Variants in ANKHD1 observed in about 807,000 individuals in gnomAD.
The protein encoded by ANKHD1 is ankyrin repeat and KH domain containing 1, also known as ankyrin repeat and KH domain-containing protein 1.
Under a neutral mutation model 230.5 loss-of-function variants are expected in ANKHD1, and 31 were observed. That is an observed-to-expected ratio of 0.13 (90% CI 0.10 to 0.18). The LOEUF (loss-of-function observed/expected upper bound fraction) is 0.18, where lower values mean the gene tolerates loss of function less well. ANKHD1 is among the 10% of genes least tolerant of loss of function. ANKHD1 has a pLI of 1.00. For synonymous variants in ANKHD1, 1,074 were observed against 1,117.6 expected (o/e 0.96, Z 0.78); for missense variants, 2,256 against 3,071.3 (o/e 0.73, Z 6.27).
In ANKHD1 at chr5:140,445,797, G is replaced by T; in HGVS notation, c.969G>T (p.Val323=). ...GAGGATTTGTTGACATTGTTAAAGT[G>T]CTCCTTAATGAAGGTGCAAATATAG... ...CAGGFVDIVK[V]LLNEGANIED... is the part of the protein sequence containing the mutation. Residue 323 remains valine, a synonymous_variant, in exon 6 of 34, where the codon GTG becomes GTT. Coordinates refer to ENST00000360839, the MANE Select transcript of ANKHD1 (RefSeq NM_017747.3). 1 of 1,612,884 alleles carries T rather than the reference G, an allele frequency of 6.2e-7. No homozygotes were observed. The highest frequency in any genetic ancestry group is 1.1e-5 in the South Asian group (1 of 90,870).
chr5:140,508,583 C>A (rs571761020), intron 20 of ANKHD1, among the ~76,000 whole-genome samples: 1 of 151,940 alleles, frequency 6.6e-6, no homozygotes, highest in Non-Finnish European at 1.5e-5. Context: ...GTGAAACCCC[C>A]GTCTCTACTA....
At chr5:140,491,160 A>AT (rs1222038703) in intron 14 of ANKHD1, among the ~76,000 whole-genome samples, 475 of 45,696 alleles carry the variant, frequency 0.01, 26 homozygotes, top group Middle Eastern at 0.053. Context: ...ATATATATAT[A>AT]TTTTTTTTTT....
chr5:140,464,541 G>A (rs1775953272), intron 9 of ANKHD1, 126 bp from the exon 10 acceptor site: 2 of 749,158 alleles, frequency 2.7e-6, no homozygotes, highest in South Asian at 3.5e-5. Context: ...AGGAAAACTA[G>A]TATACTTAAA....
At chr5:140,531,595 G>A (rs1432071359) in intron 29 of ANKHD1, among the ~76,000 whole-genome samples, 2 of 151,742 alleles carry the variant, frequency 1.3e-5, no homozygotes, top group Non-Finnish European at 2.9e-5. Context: ...AAAAAAAGTA[G>A]TAATACTTAA....
At chr5:140,486,673 G>A (rs538843823) in intron 13 of ANKHD1, 1 of 204,228 alleles carries the variant, frequency 4.9e-6, no homozygotes, top group African/African-American at 2.3e-5. Context: ...TATGTGACTT[G>A]TACCCCTAGC....
intron 14 of ANKHD1, among the ~76,000 whole-genome samples, chr5:140,493,163 G>A (rs1192581410): frequency 1.3e-5 from 2 of 152,220 alleles, no homozygotes; most frequent in African/African-American, 4.8e-5. Flanking sequence ...CTGGGTTCAA[G>A]CGATTCTCTT....
chr5:140,503,553 C>CTTTTTTTTTTTTTTTTTT lies in ANKHD1; in HGVS notation c.3005-1253_3005-1236dup, dbSNP rs70988767. On this transcript the variant is annotated intron_variant, in intron 15 of 33. Coordinates refer to ENST00000360839, the MANE Select transcript of ANKHD1 (RefSeq NM_017747.3). ...AATTTCTTTTAACTCAGTTTTCTTT[C>CTTTTTTTTTTTTTTTTTT]TTTTTTTTTTTTTTTTTTTTTTTTT... 2.9e-4 allele frequency among the ~76,000 whole-genome samples: 15 copies of CTTTTTTTTTTTTTTTTTT among 51,418 alleles called. 3 individuals carry two copies. Among genetic ancestry groups the CTTTTTTTTTTTTTTTTTT allele is most frequent in the Non-Finnish European group, 4.6e-4 (14 of 30,512 alleles). The allele number at this position is 51,418 out of a possible 152,430, so 33.7% of individuals were successfully genotyped here.
intron 4 of ANKHD1, 43 bp from the exon 5 acceptor site, chr5:140,440,952 A>G: frequency 6.7e-7 from 1 of 1,499,792 alleles, no homozygotes; most frequent in African/African-American, 1.4e-5. Flanking sequence ...ACTATTGAAT[A>G]GTAAGAATTA....
intron 26 of ANKHD1, 73 bp from the exon 27 acceptor site, chr5:140,526,855 A>C: frequency 6.7e-7 from 1 of 1,495,130 alleles, no homozygotes; most frequent in Non-Finnish European, 8.9e-7. Flanking sequence ...AACTCTGGCT[A>C]TAAAGGAATA....
At position 140,509,783 on chromosome 5, in the gene ANKHD1, C is replaced by G. The variant is rs775148047; in HGVS notation, c.3912C>G (p.His1304Gln). ...TALTIAADKG[H>Q]YKFCELLIHR... ...TAACAATAGCAGCAGACAAAGGTCACTACAAATTTTGTGAACTCCTGATTC... is the reference window on the plus strand; with the variant it reads ...TAACAATAGCAGCAGACAAAGGTCAGTACAAATTTTGTGAACTCCTGATTC... The change falls in exon 21 of 34, where the codon CAC becomes CAG. Residue 1304 changes from histidine to glutamine, a missense_variant. By Grantham distance (24) the His-to-Gln change is conservative. This residue lies in a region of ANKHD1 where 195 missense variants were observed against 340.3 expected (regional missense o/e 0.57). Transcript: ENST00000360839. 1 of 1,611,498 alleles carries G rather than the reference C, an allele frequency of 6.2e-7. No individual in the cohort carries two copies. The highest frequency in any genetic ancestry group is 1.7e-4 in the Middle Eastern group (1 of 6,056).
intron 7 of ANKHD1, among the ~76,000 whole-genome samples, chr5:140,450,053 A>G (rs1310745744): frequency 6.6e-6 from 1 of 152,186 alleles, no homozygotes; most frequent in Non-Finnish European, 1.5e-5. Context: ...AAGCACATAT[A>G]TATCATGCGT....
At chr5:140,423,933 T>G in intron 1 of ANKHD1, among the ~76,000 whole-genome samples, 1 of 152,146 alleles carries the variant, frequency 6.6e-6, no homozygotes, top group Middle Eastern at 3.2e-3. Context: ...CCCTCTTCCA[T>G]TAGCTCTCTC....
chr5:140,402,171 G>A lies in ANKHD1; in HGVS notation c.204G>A (p.Thr68=). 6.6e-7 allele frequency: 1 copy of A among 1,526,596 alleles called. No individual in the cohort carries two copies. Among genetic ancestry groups the A allele is most frequent in the Non-Finnish European group, 8.8e-7 (1 of 1,142,148 alleles). The allele number at this position is 1,526,596 out of a possible 1,614,324, so 94.6% of individuals were successfully genotyped here. The change falls in exon 1 of 34, where the codon ACG becomes ACA. Residue 68 remains threonine (T), a synonymous_variant. Coordinates refer to ENST00000360839, the MANE Select transcript of ANKHD1 (RefSeq NM_017747.3). ...GCGGCGGCGGCAGCGGCAGCGGTAC[G>A]GGCGGAGGGGACGCGGCGCTGGATT... ...SSGGGGSGSG[T]GGGDAALDFK... is the part of the protein sequence containing the mutation.
intron 5 of ANKHD1, among the ~76,000 whole-genome samples, chr5:140,444,082 C>A (rs1010066958): frequency 2.1e-5 from 3 of 140,476 alleles, no homozygotes; most frequent in African/African-American, 8.0e-5. Context: ...GATGAAGTCC[C>A]CCCCCCCCTT....
At chr5:140,427,427 C>T (rs1772569771) in intron 1 of ANKHD1, among the ~76,000 whole-genome samples, 1 of 134,862 alleles carries the variant, frequency 7.4e-6, no homozygotes, top group Admixed American at 7.1e-5. Flanking sequence ...GGGGGCTGAC[C>T]CCCCAACCTC....
chr5:140,423,754 G>C (rs370760135), intron 1 of ANKHD1, among the ~76,000 whole-genome samples: 46 of 152,150 alleles, frequency 3.0e-4, no homozygotes, highest in African/African-American at 1.1e-3. Flanking sequence ...CTTTCCCCTT[G>C]CACTCCACTA....
intron 10 of ANKHD1, among the ~76,000 whole-genome samples, chr5:140,468,052 CTTTTTTTTTTTTTTTTTTTTTT>C (rs869172143): frequency 1.1e-3 from 56 of 52,412 alleles, no homozygotes; most frequent in Admixed American, 5.7e-3. Flanking sequence ...TGTACTAATT[CTTTTTTTTTTTTTTTTTTTTTT>C]TTTTTTTTTT....
chr5:140,501,222 G>A (rs1417614472), intron 15 of ANKHD1, among the ~76,000 whole-genome samples: 2 of 150,452 alleles, frequency 1.3e-5, no homozygotes, highest in Admixed American at 6.6e-5. Context: ...GATTACAGGC[G>A]CCCACCACCA....
At chr5:140,511,124 ATATT>A (rs1752749124) in intron 22 of ANKHD1, among the ~76,000 whole-genome samples, 1 of 152,072 alleles carries the variant, frequency 6.6e-6, no homozygotes, top group Admixed American at 6.6e-5. Flanking sequence ...CCTCTCATAT[ATATT>A]AAAGTTCATG....
Sources: allele counts gnomAD v4.1 joint callset (sites outside exome capture counted in the v4.1 genomes callset), GRCh38; gene constraint gnomAD v4.1.1; regional missense constraint gnomAD v4.1.1; transcripts MANE v1.5; gene names NCBI Gene and HGNC (gene_info 2026-07-23, HGNC 2026-07-21).